BAZ1B: variants seen among roughly 807,000 people sequenced by gnomAD.
The protein encoded by BAZ1B is bromodomain adjacent to zinc finger domain 1B.
Under a neutral mutation model 153.8 loss-of-function variants are expected in BAZ1B, and 22 were observed. The observed-to-expected ratio is 0.14, with a 90% confidence interval of 0.10 to 0.20. The LOEUF is 0.20. BAZ1B is among the 10% of genes least tolerant of loss of function. The pLI, the probability that BAZ1B is intolerant of heterozygous loss-of-function variation, is 1.00. For missense variants in BAZ1B, 1,325 were observed against 1,799.3 expected, an observed-to-expected ratio of 0.74 and a Z score of 4.77; for synonymous variants, 676 against 633.4, an observed-to-expected ratio of 1.07 and a Z score of -1.01.
At chr7:73,516,670 G>A (rs1446228375) in intron 1 of BAZ1B, among the ~76,000 whole-genome samples, 1 of 151,022 alleles carries the variant, frequency 6.6e-6, no homozygotes, top group Non-Finnish European at 1.5e-5. Context: ...AGCTACTTGG[G>A]AGGCTGAGGC....
chr7:73,466,396 T>C lies in BAZ1B; in HGVS notation c.2872A>G (p.Lys958Glu), dbSNP rs782343277. Residue 958 changes from lysine to glutamate, a missense_variant, in exon 10 of 20, where the codon AAA becomes GAA. By Grantham distance (56) the Lys-to-Glu change is moderately conservative (BLOSUM62 1). Transcript: ENST00000339594. ...GDEDYCPRSK[K>E]ANLGKNASMN... ...CTTGCATTTTTACCTAAGTTTGCTTTCTTACCTAAGAAAAATTGAGACATT... is the reference window on the plus strand; with the variant it reads ...CTTGCATTTTTACCTAAGTTTGCTTCCTTACCTAAGAAAAATTGAGACATT... 1 of 1,612,476 alleles carries C rather than the reference T, an allele frequency of 6.2e-7. No individual in the cohort carries two copies. The highest frequency in any genetic ancestry group is 2.2e-5 in the East Asian group (1 of 44,834).
intron 13 of BAZ1B, among the ~76,000 whole-genome samples, chr7:73,458,897 A>C (rs1429639500): frequency 6.6e-6 from 1 of 152,154 alleles, no homozygotes; most frequent in Non-Finnish European, 1.5e-5. Flanking sequence ...GTATCTAAAA[A>C]TTAAATAAAC....
At chr7:73,480,730 G>A (rs1334212332) in intron 6 of BAZ1B, among the ~76,000 whole-genome samples, 7 of 152,162 alleles carry the variant, frequency 4.6e-5, no homozygotes, top group African/African-American at 1.7e-4. Flanking sequence ...AGGCTAGTTT[G>A]AGATGAGACT....
intron 12 of BAZ1B, among the ~76,000 whole-genome samples, chr7:73,460,060 T>A (rs1184971148): frequency 6.6e-6 from 1 of 152,038 alleles, no homozygotes; most frequent in Non-Finnish European, 1.5e-5. Context: ...CCAGGCGTGG[T>A]GGCACGTGCC....
chr7:73,521,802 G>T (rs1457179621), intron 1 of BAZ1B, 25 bp downstream of exon 1: 1 of 1,480,016 alleles, frequency 6.8e-7, no homozygotes, highest in Non-Finnish European at 9.0e-7. Flanking sequence ...GGCCCAGCCC[G>T]GCCCGCGCGG....
intron 9 of BAZ1B, 118 bp downstream of exon 9, chr7:73,469,399 T>C (rs782581553): frequency 1.1e-4 from 142 of 1,314,140 alleles, no homozygotes; most frequent in Non-Finnish European, 1.4e-4. Flanking sequence ...CTCAAATAGA[T>C]CTAAGACCAC....
At chr7:73,451,093 T>C (rs2116240811) in intron 13 of BAZ1B, 99 bp from the exon 14 acceptor site, 6 of 1,419,076 alleles carry the variant, frequency 4.2e-6, no homozygotes, top group Non-Finnish European at 5.7e-6. Flanking sequence ...CTGAGGACAC[T>C]TGCCTCCTAG....
chr7:73,498,571 G>C lies in BAZ1B; in HGVS notation c.497C>G (p.Ser166Cys). 2 of 1,614,024 alleles carry C rather than the reference G, an allele frequency of 1.2e-6. No homozygotes were observed. Among genetic ancestry groups the C allele is most frequent in the Non-Finnish European group, 1.7e-6 (2 of 1,179,992 alleles). The change falls in exon 4 of 20, where the codon TCC becomes TGC. Residue 166 changes from serine to cysteine, a missense_variant. Ser to Cys is a moderately radical substitution (Grantham distance 112). Coordinates refer to ENST00000339594, the MANE Select transcript of BAZ1B (RefSeq NM_032408.4). ...CDSPSSDKEN[S>C]SQIAQDHQKK... is the part of the protein sequence containing the mutation. ...CTGATGGTCCTGAGCAATCTGACTG[G>C]AGTTCTCTTTGTCACTTGATGGAGA... is the stretch of plus-strand genomic sequence containing the variant.
intron 3 of BAZ1B, among the ~76,000 whole-genome samples, chr7:73,505,091 A>G (rs1042653613): frequency 6.6e-6 from 1 of 152,148 alleles, no homozygotes; most frequent in Non-Finnish European, 1.5e-5. Context: ...ACTTAAATAC[A>G]AAGGAAGATA....
intron 6 of BAZ1B, among the ~76,000 whole-genome samples, chr7:73,481,253 C>G (rs1789185423): frequency 6.9e-6 from 1 of 145,080 alleles, no homozygotes; most frequent in African/African-American, 2.5e-5. Flanking sequence ...AGGGGCTGGG[C>G]GTGGTGGTTC....
At position 73,450,644 on chromosome 7, in the gene BAZ1B, C is replaced by T. The variant is rs1443413728; in HGVS notation, c.3580+203G>A. On this transcript the variant is annotated intron_variant, in intron 14 of 19. Coordinates refer to ENST00000339594, the MANE Select transcript of BAZ1B (RefSeq NM_032408.4). The surrounding 1 kb of genome is among the most constrained non-coding windows in gnomAD (Gnocchi z 4.1). ...AGATCAATTGCTTTTATGTTATGCT[C>T]TAAACCGAGGAACAAAGGGCCTGCT... Among the ~76,000 whole-genome samples, 2 of 152,130 alleles carry T rather than the reference C, an allele frequency of 1.3e-5. No individual in the cohort carries two copies. The highest frequency in any genetic ancestry group is 2.9e-5 in the Non-Finnish European group (2 of 68,026).
At chr7:73,478,770 G>A (rs1789089545) in intron 6 of BAZ1B, among the ~76,000 whole-genome samples, 1 of 152,110 alleles carries the variant, frequency 6.6e-6, no homozygotes, top group South Asian at 2.1e-4. Flanking sequence ...AAATTCCCTT[G>A]ACATCCAGAC....
At chr7:73,443,568 T>C (rs941201981) in intron 17 of BAZ1B, among the ~76,000 whole-genome samples, 15 of 152,262 alleles carry the variant, frequency 9.9e-5, no homozygotes, top group African/African-American at 3.1e-4. Flanking sequence ...ATCTAAAAAC[T>C]ACTAAAATTA....
chr7:73,464,867 A>G (rs887225320), intron 11 of BAZ1B, among the ~76,000 whole-genome samples: 4 of 151,888 alleles, frequency 2.6e-5, no homozygotes, highest in Non-Finnish European at 5.9e-5. Flanking sequence ...CTAAGACTAC[A>G]TACACAAACC....
intron 6 of BAZ1B, 29 bp downstream of exon 6, chr7:73,489,165 T>TG: frequency 1.2e-6 from 2 of 1,601,660 alleles, no homozygotes; most frequent in Non-Finnish European, 1.7e-6. Flanking sequence ...TGCTTTATCC[T>TG]GCTGTCCAAA....
chr7:73,487,128 C>G (rs188204519), intron 6 of BAZ1B, among the ~76,000 whole-genome samples: 193 of 152,286 alleles, frequency 1.3e-3, no homozygotes, highest in Non-Finnish European at 1.7e-3. Context: ...CTTCCATTTC[C>G]TAGTCTTAAC....
intron 5 of BAZ1B, among the ~76,000 whole-genome samples, chr7:73,491,246 A>G (rs1789629001): frequency 6.6e-6 from 1 of 152,070 alleles, no homozygotes; most frequent in Non-Finnish European, 1.5e-5. Flanking sequence ...AGACCGTGCC[A>G]TTGTACTCCC....
intron 14 of BAZ1B, 55 bp from the exon 15 acceptor site, chr7:73,449,744 G>A (rs1787966703): frequency 1.9e-6 from 3 of 1,580,336 alleles, no homozygotes; most frequent in Non-Finnish European, 1.7e-6. Flanking sequence ...CAGTCAATGA[G>A]CTGTAAGGAA....
chr7:73,521,431 T>C (rs1288756069), intron 1 of BAZ1B, among the ~76,000 whole-genome samples: 2 of 152,176 alleles, frequency 1.3e-5, no homozygotes, highest in Non-Finnish European at 2.9e-5. Flanking sequence ...TTTAAATTTT[T>C]AAAAAATTTT....
Sources: gnomAD v4.1 joint callset for allele counts (sites outside exome capture counted in the v4.1 genomes callset) on GRCh38, gnomAD v4.1.1 for gene constraint, Gnocchi (gnomAD v3.1) non-coding constraint, MANE v1.5 for transcripts, NCBI Gene and HGNC (gene_info 2026-07-23, HGNC 2026-07-21) for gene names.